DCP1B: variants seen among roughly 807,000 people sequenced by gnomAD.
DCP1B encodes decapping mRNA 1B, also known as mRNA-decapping enzyme 1B.
DCP1B carries 47 observed loss-of-function variants against 60.5 expected under a neutral mutation model. The observed-to-expected ratio is 0.78, with a 90% confidence interval of 0.61 to 0.99. The LOEUF (loss-of-function observed/expected upper bound fraction) is 0.99. DCP1B is among the 50% of genes least tolerant of loss of function. DCP1B has a pLI of 0.00. For synonymous variants in DCP1B, 267 were observed against 280.3 expected, an observed-to-expected ratio of 0.95 and a Z score of 0.47; for missense variants, 725 against 756.8, an observed-to-expected ratio of 0.96 and a Z score of 0.49.
intron 5 of DCP1B, among the ~76,000 whole-genome samples, chr12:1,956,796 T>C (rs1316074736): frequency 6.6e-6 from 1 of 152,228 alleles, no homozygotes; most frequent in Non-Finnish European, 1.5e-5. Context: ...TGAAAAGCCT[T>C]GCTATTTAAA....
At chr12:1,996,806 A>G (rs569738655) in intron 2 of DCP1B, among the ~76,000 whole-genome samples, 2 of 152,114 alleles carry the variant, frequency 1.3e-5, no homozygotes, top group Non-Finnish European at 2.9e-5. Flanking sequence ...ATTGCTCAGA[A>G]TCTATCCACT....
intron 1 of DCP1B, among the ~76,000 whole-genome samples, chr12:1,999,821 T>C (rs1203597004): frequency 6.6e-6 from 1 of 152,236 alleles, no homozygotes; most frequent in South Asian, 2.1e-4. Flanking sequence ...ATCCTTAAAC[T>C]AGATTCACTA....
chr12:1,982,247 A>C (rs1421135071), intron 3 of DCP1B, among the ~76,000 whole-genome samples: 1 of 152,168 alleles, frequency 6.6e-6, no homozygotes, highest in Non-Finnish European at 1.5e-5. Context: ...TTAAATTTAC[A>C]GTTTAAAATA....
chr12:1,979,391 T>TA (rs1439324977), intron 3 of DCP1B, among the ~76,000 whole-genome samples: 3 of 152,202 alleles, frequency 2.0e-5, no homozygotes, highest in African/African-American at 7.2e-5. Context: ...CTTGGCTCAC[T>TA]ACAACCTCCA....
intron 5 of DCP1B, among the ~76,000 whole-genome samples, chr12:1,959,419 T>C (rs2031038627): frequency 6.6e-6 from 1 of 152,174 alleles, no homozygotes; most frequent in Admixed American, 6.5e-5. Flanking sequence ...GATCAAAATA[T>C]AGACAAAGGG....
Position 1,948,967 on chromosome 12 carries a change from C to A in DCP1B, c.1773+119G>T, listed in dbSNP as rs2030546590. 2 of 1,351,122 alleles carry A rather than the reference C, an allele frequency of 1.5e-6. No homozygotes were observed. The highest frequency in any genetic ancestry group is 2.0e-6 in the Non-Finnish European group (2 of 984,392). The allele number at this position is 1,351,122 out of a possible 1,614,324, so 83.7% of individuals were successfully genotyped here. On this transcript the variant is annotated intron_variant, in intron 8 of 8. Coordinates refer to ENST00000280665, the MANE Select transcript of DCP1B (RefSeq NM_152640.5). This position sits in a 1 kb window ranked among gnomAD's most constrained non-coding sequence, Gnocchi z 4.8. ...CCGCTGGGGTCAGGATGAGTTGTTACACACACCTGTTATTCTCACGGAAGC... is the reference window on the plus strand; with the variant it reads ...CCGCTGGGGTCAGGATGAGTTGTTAAACACACCTGTTATTCTCACGGAAGC...
chr12:1,995,796 T>C (rs1325410731), intron 2 of DCP1B, among the ~76,000 whole-genome samples: 1 of 152,212 alleles, frequency 6.6e-6, no homozygotes, highest in Non-Finnish European at 1.5e-5. Context: ...TTCCTCTTTA[T>C]ACTCACTCCT....
chr12:1,982,959 G>C (rs1005752208), intron 3 of DCP1B, among the ~76,000 whole-genome samples: 6 of 151,720 alleles, frequency 4.0e-5, no homozygotes, highest in African/African-American at 1.5e-4. Context: ...CCTTATTATG[G>C]GACTATTCAG....
chr12:1,957,360 A>G (rs943197899), intron 5 of DCP1B, among the ~76,000 whole-genome samples: 2 of 152,230 alleles, frequency 1.3e-5, no homozygotes, highest in Non-Finnish European at 2.9e-5. Context: ...ATACATAAAC[A>G]TATGTATTTA....
intron 5 of DCP1B, among the ~76,000 whole-genome samples, chr12:1,957,478 T>C (rs1468575149): frequency 2.0e-5 from 3 of 152,198 alleles, no homozygotes; most frequent in Non-Finnish European, 4.4e-5. Context: ...TTGAATTCTA[T>C]CATTCAACAA....
intron 3 of DCP1B, among the ~76,000 whole-genome samples, chr12:1,968,958 T>C (rs1283005217): frequency 6.6e-6 from 1 of 152,156 alleles, no homozygotes; most frequent in Non-Finnish European, 1.5e-5. Context: ...CTGAAGCAGC[T>C]CCAGAAGACA....
At chr12:2,000,482 A>C (rs1369563980) in intron 1 of DCP1B, among the ~76,000 whole-genome samples, 1 of 151,958 alleles carries the variant, frequency 6.6e-6, no homozygotes, top group East Asian at 1.9e-4. Flanking sequence ...AAAAAAAAAA[A>C]CCTTTAATGC....
intron 6 of DCP1B, among the ~76,000 whole-genome samples, chr12:1,954,141 C>T (rs1426123637): frequency 6.6e-6 from 1 of 151,250 alleles, no homozygotes; most frequent in African/African-American, 2.4e-5. Flanking sequence ...GAGATGGTGC[C>T]ACTGCACTCC....
chr12:1,970,921 G>A (rs1030074281), intron 3 of DCP1B: 6 of 364,524 alleles, frequency 1.6e-5, no homozygotes, highest in South Asian at 7.2e-5. Context: ...GCAGCGATAC[G>A]ATACGGCCAT....
intron 8 of DCP1B, among the ~76,000 whole-genome samples, chr12:1,946,908 G>T (rs1716390353): frequency 6.6e-6 from 1 of 152,084 alleles, no homozygotes; most frequent in Non-Finnish European, 1.5e-5. Flanking sequence ...GTTGCTCAGG[G>T]TGGTCTTGAA....
chr12:1,955,155 T>C (rs537769389), intron 6 of DCP1B, among the ~76,000 whole-genome samples: 1 of 152,322 alleles, frequency 6.6e-6, no homozygotes, highest in African/African-American at 2.4e-5. Context: ...CTGTGCTGGC[T>C]TGTTGTTTTT....
At chr12:1,954,940 C>T (rs1244603742) in intron 6 of DCP1B, among the ~76,000 whole-genome samples, 3 of 152,048 alleles carry the variant, frequency 2.0e-5, no homozygotes, top group Non-Finnish European at 2.9e-5. Context: ...CATAGCTCAC[C>T]GTAACCTCAA....
chr12:1,979,658 C>T (rs186094122), intron 3 of DCP1B, among the ~76,000 whole-genome samples: 220 of 152,304 alleles, frequency 1.4e-3, no homozygotes, highest in African/African-American at 4.9e-3. Flanking sequence ...TTGGATCATA[C>T]GCTAGTTATA....
At chr12:1,972,598 T>C (rs2032798575) in intron 3 of DCP1B, among the ~76,000 whole-genome samples, 1 of 152,210 alleles carries the variant, frequency 6.6e-6, no homozygotes, top group African/African-American at 2.4e-5. Context: ...CAAGGTTAAA[T>C]AAGCTAGCCA....
Sources: allele counts gnomAD v4.1 joint callset (sites outside exome capture counted in the v4.1 genomes callset), GRCh38; gene constraint gnomAD v4.1.1; non-coding constraint Gnocchi (gnomAD v3.1); transcripts MANE v1.5; gene names NCBI Gene and HGNC (gene_info 2026-07-23, HGNC 2026-07-21).